OPCML: variants seen among roughly 807,000 people sequenced by gnomAD.
The protein encoded by OPCML is opioid-binding protein/cell adhesion molecule.
OPCML carries 13 observed loss-of-function variants against 37.8 expected under a neutral mutation model. The observed-to-expected ratio is 0.34, with a 90% CI of 0.22 to 0.55. The LOEUF is 0.55. OPCML is among the 20% of genes least tolerant of loss of function. The probability of loss-of-function intolerance (pLI) is 0.91; values close to 1 mark genes in which losing one functional copy is unlikely to be tolerated. For synonymous variants in OPCML, 176 were observed against 168.8 expected (o/e 1.04, Z -0.33); for missense variants, 341 against 435.6 (o/e 0.78, Z 1.93).
chr11:133,398,881 T>G (rs1041222286), intron 1 of OPCML, among the ~76,000 whole-genome samples: 1 of 152,166 alleles, frequency 6.6e-6, no homozygotes, highest in Non-Finnish European at 1.5e-5. Context: ...ATTTCTCTCA[T>G]GTGAGTTGGG....
rs1008607501 is a variant in OPCML, at chr11:132,568,053, C to CGTGT, written c.380-38871_380-38868dup. Among the ~76,000 whole-genome samples the CGTGT allele has an allele frequency of 2.9e-3, 405 of 140,090 alleles. 1 individual carries two copies. Among genetic ancestry groups the CGTGT allele is most frequent in the South Asian group, 4.0e-3 (17 of 4,204 alleles). 91.9% of individuals were successfully genotyped at this position (140,090 alleles called of 152,430 possible). On this transcript the variant is annotated intron_variant, in intron 3 of 7. Coordinates refer to ENST00000524381, the MANE Select transcript of OPCML (RefSeq NM_001012393.5). Reference sequence around the variant, plus strand: ...GTGTGTGTGTGTGTGCGCGCGCGCGCGTGTGTGTGTGTGTGTTTGATTAGT... The same window carrying CGTGT: ...GTGTGTGTGTGTGTGCGCGCGCGCGCGTGTGTGTGTGTGTGTGTGTTTGATTAGT...
intron 1 of OPCML, among the ~76,000 whole-genome samples, chr11:133,062,310 G>A (rs531746640): frequency 8.5e-5 from 13 of 152,248 alleles, no homozygotes; most frequent in African/African-American, 2.4e-4. Context: ...ATGAATCCCC[G>A]CTGCACTTCC....
intron 1 of OPCML, among the ~76,000 whole-genome samples, chr11:133,231,902 G>C (rs1159442799): frequency 6.7e-6 from 1 of 149,006 alleles, no homozygotes; most frequent in Non-Finnish European, 1.5e-5. Flanking sequence ...GGGGAAGTCA[G>C]TAGATTAAAA....
intron 1 of OPCML, among the ~76,000 whole-genome samples, chr11:133,502,785 A>G (rs146810116): frequency 2.4e-4 from 37 of 152,234 alleles, no homozygotes; most frequent in African/African-American, 8.4e-4. Context: ...GCCGTTGCCT[A>G]TGTTTAAATG....
chr11:132,592,207 C>A (rs1160580247), intron 3 of OPCML, among the ~76,000 whole-genome samples: 1 of 152,206 alleles, frequency 6.6e-6, no homozygotes, highest in African/African-American at 2.4e-5. Context: ...TAGGGGGCCA[C>A]AAGCTGCTTT....
At chr11:133,098,787 T>C (rs2137067516) in intron 1 of OPCML, among the ~76,000 whole-genome samples, 1 of 152,350 alleles carries the variant, frequency 6.6e-6, no homozygotes, top group South Asian at 2.1e-4. Flanking sequence ...CTCTCACCAC[T>C]GCTTTTCATC....
chr11:133,036,024 T>A (rs75858510), intron 1 of OPCML, among the ~76,000 whole-genome samples: 2,160 of 152,304 alleles, frequency 0.014, 75 homozygotes, highest in East Asian at 0.12. Context: ...CCTGTATTAC[T>A]TTGTTAAGGC....
At chr11:133,160,317 C>T (rs568565385) in intron 1 of OPCML, among the ~76,000 whole-genome samples, 2 of 152,262 alleles carry the variant, frequency 1.3e-5, no homozygotes, top group East Asian at 3.9e-4. Context: ...AATAATTGAG[C>T]ACTTACTATG....
intron 4 of OPCML, among the ~76,000 whole-genome samples, chr11:132,488,410 A>G (rs1220026958): frequency 6.6e-6 from 1 of 152,220 alleles, no homozygotes; most frequent in African/African-American, 2.4e-5. Context: ...ACAGCCTACT[A>G]CACACTAGGC....
intron 4 of OPCML, among the ~76,000 whole-genome samples, chr11:132,446,922 G>T (rs535792052): frequency 2.4e-4 from 36 of 152,210 alleles, no homozygotes; most frequent in Non-Finnish European, 4.3e-4. Flanking sequence ...CTTCAAGAAG[G>T]CTGTATTTTT....
chr11:133,125,497 CT>C (rs888563621), intron 1 of OPCML, among the ~76,000 whole-genome samples: 25 of 150,962 alleles, frequency 1.7e-4, no homozygotes, highest in African/African-American at 5.8e-4. Context: ...AATCCCTCCC[CT>C]AATGGTTGTA....
chr11:132,636,317 A>C (rs1488345811), intron 3 of OPCML, among the ~76,000 whole-genome samples: 2 of 152,228 alleles, frequency 1.3e-5, no homozygotes, highest in Non-Finnish European at 1.5e-5. Context: ...GGGTGCTTCA[A>C]GGTAAACATA....
intron 3 of OPCML, among the ~76,000 whole-genome samples, chr11:132,652,530 T>C (rs1941484640): frequency 6.6e-6 from 1 of 152,220 alleles, no homozygotes; most frequent in African/African-American, 2.4e-5. Flanking sequence ...GCTCTGCTAC[T>C]TACTCACTGG....
In OPCML at chr11:132,943,672, G is replaced by A. The variant is rs1945662284; in HGVS notation, c.62-662C>T. 1 of 152,858 alleles carries A rather than the reference G, an allele frequency of 6.5e-6. No individual in the cohort carries two copies. Among genetic ancestry groups the A allele is most frequent in the African/African-American group, 2.4e-5 (1 of 41,460 alleles). The allele number at this position is 152,858 out of a possible 1,614,324, so 9.5% of individuals were successfully genotyped here. A position where few individuals can be genotyped will look rare whatever the true frequency, so the allele number is the denominator to read the frequency against. On this transcript the variant is annotated intron_variant, in intron 1 of 7. Coordinates refer to ENST00000524381, the MANE Select transcript of OPCML (RefSeq NM_001012393.5). This position sits in a 1 kb window ranked among gnomAD's most constrained non-coding sequence, Gnocchi z 4.3. ...AGGCGGCAAAAAGTTCCAAGGCGGG[G>A]ACGCGCAGCCGGCGCAGCCAGGGTC... is the stretch of plus-strand genomic sequence containing the variant.
Position 133,212,776 on chromosome 11 carries a change from G to T in OPCML, c.62-269766C>A, listed in dbSNP as rs1939418755. Among the ~76,000 whole-genome samples, 3 of 152,194 alleles carry T rather than the reference G, an allele frequency of 2.0e-5. No homozygotes were observed. In the South Asian group the frequency reaches 6.2e-4, roughly 31 times the overall value. ...TGAAGGGATTTCCCAGCAGCTTTCA[G>T]ACCCCTTGGGACCCAACCTGGCCCC... is the stretch of plus-strand genomic sequence containing the variant. On this transcript the variant is annotated intron_variant, in intron 1 of 7. Transcript: ENST00000524381. The surrounding 1 kb of genome is among the most constrained non-coding windows in gnomAD (Gnocchi z 4.9).
intron 1 of OPCML, among the ~76,000 whole-genome samples, chr11:133,503,469 TC>T (rs1172257959): frequency 1.3e-5 from 2 of 152,198 alleles, no homozygotes; most frequent in Non-Finnish European, 2.9e-5. Flanking sequence ...CAAACGCAGC[TC>T]CTCCATTGCT....
chr11:133,383,629 C>G (rs1198272463), intron 1 of OPCML, among the ~76,000 whole-genome samples: 2 of 152,102 alleles, frequency 1.3e-5, no homozygotes, highest in East Asian at 3.9e-4. Context: ...GAGGTCATGT[C>G]AAGCATGAAT....
At chr11:132,642,178 G>A (rs1452729620) in intron 3 of OPCML, among the ~76,000 whole-genome samples, 1 of 152,150 alleles carries the variant, frequency 6.6e-6, no homozygotes, top group African/African-American at 2.4e-5. Flanking sequence ...GGGATGGAAG[G>A]CTCTTAAGGA....
chr11:133,184,310 G>A (rs79126146), intron 1 of OPCML, among the ~76,000 whole-genome samples: 2,876 of 152,308 alleles, frequency 0.019, 93 homozygotes, highest in African/African-American at 0.066. Flanking sequence ...GCAGTACAAC[G>A]TGCACGTGCA....
Sources: gnomAD v4.1 joint callset for allele counts (sites outside exome capture counted in the v4.1 genomes callset) on GRCh38, gnomAD v4.1.1 for gene constraint, Gnocchi (gnomAD v3.1) non-coding constraint, MANE v1.5 for transcripts, NCBI Gene and HGNC (gene_info 2026-07-23, HGNC 2026-07-21) for gene names.